NCBP1: variants seen among roughly 807,000 people sequenced by gnomAD.
The protein encoded by NCBP1 is nuclear cap binding protein subunit 1, also known as nuclear cap-binding protein subunit 1.
Under a neutral mutation model 111.7 loss-of-function variants are expected in NCBP1, and 16 were observed. The ratio of observed to expected loss-of-function variants is 0.14; its 90% CI spans 0.10 to 0.22. The LOEUF is 0.22. NCBP1 is among the 10% of genes least tolerant of loss of function. The pLI is 1.00. For missense variants in NCBP1, 607 were observed against 957.5 expected, an observed-to-expected ratio of 0.63 and a Z score of 4.83; for synonymous variants, 304 against 314.3, an observed-to-expected ratio of 0.97 and a Z score of 0.35.
intron 21 of NCBP1, 124 bp downstream of exon 21, chr9:97,669,098 A>G: frequency 8.6e-7 from 1 of 1,168,896 alleles, no homozygotes. Context: ...GATTAAAAAT[A>G]CAAAAATTTA....
intron 1 of NCBP1, among the ~76,000 whole-genome samples, chr9:97,635,254 G>A (rs532476620): frequency 8.5e-5 from 13 of 152,204 alleles, no homozygotes; most frequent in African/African-American, 2.9e-4. Flanking sequence ...TAAGATGGAG[G>A]GACAGCTGTC....
intron 22 of NCBP1, chr9:97,670,013 C>T (rs1160723828): frequency 9.7e-6 from 4 of 412,310 alleles, no homozygotes; most frequent in African/African-American, 6.2e-5. Context: ...ACCTCCACCT[C>T]CTAGGTTTAA....
chr9:97,664,532 A>G (rs1827937125), intron 19 of NCBP1, 89 bp downstream of exon 19: 1 of 860,420 alleles, frequency 1.2e-6, no homozygotes, highest in South Asian at 1.7e-5. Context: ...TCTGGTCCAA[A>G]CCAGGTTGAT....
chr9:97,645,527 A>G, intron 5 of NCBP1, 84 bp from the exon 6 acceptor site: 1 of 1,412,632 alleles, frequency 7.1e-7, no homozygotes. Context: ...AATAGCTTCC[A>G]TAGGATTTCA....
intron 14 of NCBP1, 90 bp downstream of exon 14, chr9:97,656,175 T>A: frequency 9.2e-7 from 1 of 1,091,032 alleles, no homozygotes; most frequent in Non-Finnish European, 1.3e-6. Flanking sequence ...AATATTGGAT[T>A]CAAAATCCAC....
chr9:97,638,284 A>G (rs73498320), intron 1 of NCBP1, among the ~76,000 whole-genome samples: 1,531 of 152,274 alleles, frequency 0.01, 25 homozygotes, highest in African/African-American at 0.035. Flanking sequence ...TCTCCAGACA[A>G]ATATTGTCCT....
intron 14 of NCBP1, 137 bp downstream of exon 14, chr9:97,656,222 G>A (rs1827649195): frequency 1.3e-6 from 1 of 746,900 alleles, no homozygotes; most frequent in East Asian, 2.7e-5. Context: ...TCAAGACTTA[G>A]GCTAAGAAAA....
intron 19 of NCBP1, 57 bp from the exon 20 acceptor site, chr9:97,666,706 T>G (rs921715322): frequency 1.7e-6 from 2 of 1,208,400 alleles, no homozygotes; most frequent in Non-Finnish European, 2.3e-6. Flanking sequence ...GTTGAAAGAT[T>G]TTATTTTCTG....
chr9:97,671,365 G>GA lies in NCBP1; in HGVS notation c.*170dup. On this transcript the variant is annotated 3_prime_UTR_variant, in exon 23 of 23. Transcript: ENST00000375147. ...ACATGGCATTACTTTTAATTGCCCTGAAAAGCAAATACTTCCTAACGGCAG... is the reference window on the plus strand; with the variant it reads ...ACATGGCATTACTTTTAATTGCCCTGAAAAAGCAAATACTTCCTAACGGCAG... The GA allele has an allele frequency of 1.8e-6, 1 of 550,344 alleles. No individual in the cohort carries two copies. The highest frequency in any genetic ancestry group is 3.2e-6 in the Non-Finnish European group (1 of 312,540). The allele number at this position is 550,344 out of a possible 1,614,324, so 34.1% of individuals were successfully genotyped here.
At chr9:97,635,846 T>C (rs1827007323) in intron 1 of NCBP1, 1 of 152,218 alleles carries the variant, frequency 6.6e-6, no homozygotes, top group East Asian at 1.9e-4. Flanking sequence ...ATGCTTCCTT[T>C]TTCTCACTTA....
chr9:97,639,793 TAAAC>T (rs1304257419), intron 1 of NCBP1, among the ~76,000 whole-genome samples: 5 of 152,156 alleles, frequency 3.3e-5, no homozygotes, highest in African/African-American at 1.2e-4. Context: ...GTTAAGGCTT[TAAAC>T]AAAGTGGTAA....
intron 19 of NCBP1, among the ~76,000 whole-genome samples, chr9:97,665,295 C>A (rs1271716993): frequency 6.6e-6 from 1 of 152,188 alleles, no homozygotes; most frequent in Non-Finnish European, 1.5e-5. Context: ...ACTAACCACC[C>A]GAGTATGTTT....
chr9:97,633,928 G>A lies in NCBP1; in HGVS notation c.34+13G>A, dbSNP rs370431138. 8.3e-5 allele frequency: 132 copies of A among 1,582,644 alleles called. 2 individuals carry two copies. In the African/African-American group the frequency reaches 1.4e-3, roughly 17 times the overall value. ...GACGAGAACGACGGTGAGTGCCTGC[G>A]GCCCGGCCACGGAGGCCGCTCCCGG... On this transcript the variant is annotated intron_variant, in intron 1 of 22. Transcript: ENST00000375147.
Position 97,657,885 on chromosome 9 carries a change from G to GCTCTCTCT in NCBP1, c.1374-740_1374-733dup, listed in dbSNP as rs3052096. On this transcript the variant is annotated intron_variant, in intron 14 of 22. Coordinates refer to ENST00000375147, the MANE Select transcript of NCBP1 (RefSeq NM_002486.5). ...GTATGTACATGAGGAGCCCCGGTAAGCTCTCTCTCTCTCTCTCTCTCTATA... is the reference window on the plus strand; with the variant it reads ...GTATGTACATGAGGAGCCCCGGTAAGCTCTCTCTCTCTCTCTCTCTCTCTCTCTCTATA... Among the ~76,000 whole-genome samples the GCTCTCTCT allele has an allele frequency of 5.6e-4, 64 of 114,008 alleles. 1 individual carries two copies. Among genetic ancestry groups the GCTCTCTCT allele is most frequent in the African/African-American group, 2.2e-3 (61 of 27,458 alleles). The allele number at this position is 114,008 out of a possible 152,430, so 74.8% of individuals were successfully genotyped here. A position where few individuals can be genotyped will look rare whatever the true frequency, so the allele number is the denominator to read the frequency against.
chr9:97,636,894 A>G (rs1476931851), intron 1 of NCBP1, among the ~76,000 whole-genome samples: 1 of 151,990 alleles, frequency 6.6e-6, no homozygotes, highest in Non-Finnish European at 1.5e-5. Context: ...ATGTAAGTTG[A>G]TTAGAGAAGG....
Position 97,664,380 on chromosome 9 carries a change from T to C in NCBP1, c.1838T>C (p.Ile613Thr), listed in dbSNP as rs1295673921. Residue 613 changes from isoleucine to threonine, a missense_variant, in exon 19 of 23, where the codon ATA (isoleucine) becomes ACA (threonine). This residue lies in a region of NCBP1 where 282 missense variants were observed against 376.5 expected (regional missense o/e 0.75). Transcript: ENST00000375147. Reference sequence around the variant, plus strand: ...GTGGATAAGATGATTCGTACACAAATAGTTGATTGTGCTGCCGTAGCAAAT... The same window carrying C: ...GTGGATAAGATGATTCGTACACAAACAGTTGATTGTGCTGCCGTAGCAAAT... Reference protein sequence around the residue: ...VLVDKMIRTQIVDCAAVANWI... With the variant: ...VLVDKMIRTQTVDCAAVANWI... 6.2e-7 allele frequency: 1 copy of C among 1,613,094 alleles called. No homozygotes were observed. The highest frequency in any genetic ancestry group is 8.5e-7 in the Non-Finnish European group (1 of 1,179,104).
In NCBP1 at chr9:97,661,012, A is replaced by G. The variant is rs753371425; in HGVS notation, c.1544A>G (p.Asp515Gly). The G allele has an allele frequency of 4.8e-5, 78 of 1,612,820 alleles. No individual in the cohort carries two copies. The highest frequency in any genetic ancestry group is 5.4e-5 in the Non-Finnish European group (64 of 1,179,720). The change falls in exon 16 of 23, where the codon GAT becomes GGT. Residue 515 changes from aspartate to glycine, a missense_variant. By Grantham distance (94) the Asp-to-Gly change is moderately conservative (BLOSUM62 -1). Around this residue, in one of 9 missense-constraint regions of NCBP1, gnomAD observed 282 missense variants for 376.5 expected, o/e 0.75. Coordinates refer to ENST00000375147, the MANE Select transcript of NCBP1 (RefSeq NM_002486.5). ...AVAFKSKATN[D>G]EIFSILKDVP... ...GCCTTTAAAAGTAAGGCAACCAATGATGAAATCTTCAGCATTCTGAAAGAT... is the reference window on the plus strand; with the variant it reads ...GCCTTTAAAAGTAAGGCAACCAATGGTGAAATCTTCAGCATTCTGAAAGAT...
At chr9:97,649,818 C>T (rs548975097) in intron 8 of NCBP1, among the ~76,000 whole-genome samples, 1 of 151,180 alleles carries the variant, frequency 6.6e-6, no homozygotes, top group South Asian at 2.1e-4. Context: ...ATTGGTATCA[C>T]CTCTGTAAGG....
At chr9:97,665,625 A>G (rs1173729244) in intron 19 of NCBP1, among the ~76,000 whole-genome samples, 1 of 152,194 alleles carries the variant, frequency 6.6e-6, no homozygotes, top group Non-Finnish European at 1.5e-5. Flanking sequence ...CTAACATTCT[A>G]GACTTGGAGT....
Sources: gnomAD v4.1 joint callset for allele counts (sites outside exome capture counted in the v4.1 genomes callset) on GRCh38, gnomAD v4.1.1 for gene constraint, gnomAD v4.1.1 regional missense constraint, MANE v1.5 for transcripts, NCBI Gene and HGNC (gene_info 2026-07-23, HGNC 2026-07-21) for gene names.